The following CHN2 variants were observed in gnomAD, a reference collection of about 807,000 sequenced individuals.
CHN2 encodes chimerin 2.
A neutral mutation model predicts 56.3 loss-of-function variants in CHN2; 35 were observed. The ratio of observed to expected loss-of-function variants is 0.62; its 90% confidence interval spans 0.47 to 0.82. The LOEUF is 0.82. Ranked by LOEUF, CHN2 falls within the 40% of genes least tolerant of loss-of-function variation. CHN2 has a pLI of 0.00. For missense variants in CHN2, 491 were observed against 580.5 expected, an observed-to-expected ratio of 0.85 and a Z score of 1.58; for synonymous variants, 210 against 212.8, an observed-to-expected ratio of 0.99 and a Z score of 0.12.
At chr7:29,176,988 G>GA (rs946292652) in intron 2 of CHN2, among the ~76,000 whole-genome samples, 8 of 151,462 alleles carry the variant, frequency 5.3e-5, no homozygotes, top group East Asian at 1.9e-4. Flanking sequence ...AAATGGGAAT[G>GA]AAAAAAAATC....
At position 29,289,112 on chromosome 7, in the gene CHN2, T is replaced by C. The variant is rs149921977; in HGVS notation, c.50-65513T>C. Reference sequence around the variant, plus strand: ...CTACCAACCCGCACCAACGCATTTGTTTTTGAGAAACGTGGTGCTTATTTG... The same window carrying C: ...CTACCAACCCGCACCAACGCATTTGCTTTTGAGAAACGTGGTGCTTATTTG... On this transcript the variant is annotated intron_variant, in intron 1 of 12. Transcript: ENST00000222792. 8 of 152,322 alleles carry C rather than the reference T, an allele frequency of 5.3e-5. No homozygotes were observed. In the East Asian group the frequency reaches 1.5e-3, roughly 29 times the overall value. The allele number at this position is 152,322 out of a possible 1,614,324, so 9.4% of individuals were successfully genotyped here. A position where few individuals can be genotyped will look rare whatever the true frequency, so the allele number is the denominator to read the frequency against.
At chr7:29,207,372 CAGAT>C (rs1244742606) in intron 1 of CHN2, among the ~76,000 whole-genome samples, 1 of 152,130 alleles carries the variant, frequency 6.6e-6, no homozygotes, top group Middle Eastern at 3.2e-3. Flanking sequence ...CTGACCTTCT[CAGAT>C]AGTTCCATAG....
At chr7:29,510,048 A>C (rs1345966611) in intron 12 of CHN2, among the ~76,000 whole-genome samples, 1 of 151,996 alleles carries the variant, frequency 6.6e-6, no homozygotes, top group African/African-American at 2.4e-5. Flanking sequence ...TGTCCTGTTC[A>C]TCCCCCTGTT....
rs530999039 is a variant in CHN2 at position 29,329,148 on chromosome 7, G to A, written c.50-25477G>A. 4.3e-4 allele frequency among the ~76,000 whole-genome samples: 65 copies of A among 152,158 alleles called. 1 individual carries two copies. In the South Asian group the frequency reaches 0.013, roughly 31 times the overall value. On this transcript the variant is annotated intron_variant, in intron 1 of 12. Coordinates refer to ENST00000222792, the MANE Select transcript of CHN2 (RefSeq NM_004067.4). ...AATGAATGGGACAGCAGATAGACTG[G>A]AAGGGAAAAGGAGGAGGAAAAAGAG... is the stretch of plus-strand genomic sequence containing the variant.
chr7:29,338,723 C>T (rs1001749685), intron 1 of CHN2, among the ~76,000 whole-genome samples: 1 of 152,118 alleles, frequency 6.6e-6, no homozygotes, highest in Non-Finnish European at 1.5e-5. Context: ...GGATTGCAGG[C>T]TAGTGCCACC....
intron 1 of CHN2, among the ~76,000 whole-genome samples, chr7:29,271,000 A>G (rs1427826405): frequency 1.3e-5 from 2 of 152,210 alleles, no homozygotes; most frequent in African/African-American, 2.4e-5. Context: ...GAGATGTGGA[A>G]CTACATTATC....
At chr7:29,285,490 G>A (rs1792074739) in intron 1 of CHN2, among the ~76,000 whole-genome samples, 2 of 152,152 alleles carry the variant, frequency 1.3e-5, no homozygotes, top group Non-Finnish European at 1.5e-5. Context: ...CATAAAATAC[G>A]GCAAGCCTAG....
intron 4 of CHN2, among the ~76,000 whole-genome samples, chr7:29,394,092 T>C (rs1801554917): frequency 6.6e-6 from 1 of 152,184 alleles, no homozygotes; most frequent in Non-Finnish European, 1.5e-5. Context: ...TGTGAGTTCC[T>C]GACTTTCGTG....
At chr7:29,383,187 A>G (rs1215003054) in intron 3 of CHN2, among the ~76,000 whole-genome samples, 2 of 152,146 alleles carry the variant, frequency 1.3e-5, no homozygotes, top group African/African-American at 2.4e-5. Context: ...AAAAAAATGT[A>G]TTCATCAGAG....
chr7:29,204,067 C>CTGTGTG (rs55930139), intron 1 of CHN2, among the ~76,000 whole-genome samples: 108 of 128,854 alleles, frequency 8.4e-4, no homozygotes, highest in Non-Finnish European at 1.1e-3. Flanking sequence ...TTCTCTCTCT[C>CTGTGTG]TGTGTGTGTG....
chr7:29,364,920 A>G (rs1799026065), intron 2 of CHN2, among the ~76,000 whole-genome samples: 1 of 152,188 alleles, frequency 6.6e-6, no homozygotes, highest in African/African-American at 2.4e-5. Flanking sequence ...ACAGATGTAA[A>G]CAAAACTGAA....
intron 1 of CHN2, among the ~76,000 whole-genome samples, chr7:29,269,263 C>CT (rs1256829839): frequency 9.9e-5 from 15 of 152,010 alleles, no homozygotes; most frequent in African/African-American, 3.1e-4. Flanking sequence ...ATGAGTTCAA[C>CT]TTTTTTTTAG....
chr7:29,233,825 A>ATTTTTTTTTTTTTTTTTTTTTTT (rs1175429614), intron 1 of CHN2, among the ~76,000 whole-genome samples: 1 of 53,202 alleles, frequency 1.9e-5, no homozygotes, highest in Non-Finnish European at 3.4e-5. Context: ...CAACACCTTG[A>ATTTTTTTTTTTTTTTTTTTTTTT]TTTTTTTTTT....
intron 8 of CHN2, among the ~76,000 whole-genome samples, chr7:29,497,751 T>C (rs1165487973): frequency 6.6e-6 from 1 of 152,224 alleles, no homozygotes; most frequent in South Asian, 2.1e-4. Flanking sequence ...TTATAGAACA[T>C]CTTAATTTTA....
chr7:29,223,614 A>G (rs1447179695), intron 1 of CHN2, among the ~76,000 whole-genome samples: 1 of 152,030 alleles, frequency 6.6e-6, no homozygotes, highest in East Asian at 1.9e-4. Context: ...ATTCTTTTTT[A>G]TTGCTGTAGG....
At chr7:29,406,552 G>GCCTCC (rs1281973949) in intron 6 of CHN2, among the ~76,000 whole-genome samples, 2 of 152,050 alleles carry the variant, frequency 1.3e-5, no homozygotes, top group African/African-American at 4.8e-5. Flanking sequence ...GCCACACTCA[G>GCCTCC]CCTCCCCTCC....
intron 1 of CHN2, among the ~76,000 whole-genome samples, chr7:29,294,048 A>G (rs577404858): frequency 8.6e-5 from 13 of 151,728 alleles, no homozygotes; most frequent in African/African-American, 2.7e-4. Flanking sequence ...TTGTGTTTTT[A>G]GTAGAGACGG....
At chr7:29,188,934 A>G (rs39047) in intron 2 of CHN2, among the ~76,000 whole-genome samples, 19,498 of 148,716 alleles carry the variant, frequency 0.13, 1,655 homozygotes, top group Non-Finnish European at 0.18. Context: ...GCAAGGATAT[A>G]GTTTTCCTCA....
At chr7:29,434,832 C>T (rs1375930326) in intron 6 of CHN2, among the ~76,000 whole-genome samples, 1 of 152,188 alleles carries the variant, frequency 6.6e-6, no homozygotes, top group Non-Finnish European at 1.5e-5. Context: ...TGTCTCATGC[C>T]TGTAATCCTA....
Sources: gnomAD v4.1 joint callset for allele counts (sites outside exome capture counted in the v4.1 genomes callset) on GRCh38, gnomAD v4.1.1 for gene constraint, MANE v1.5 for transcripts, NCBI Gene and HGNC (gene_info 2026-07-23, HGNC 2026-07-21) for gene names.